Variants in ACACA observed in about 807,000 individuals in gnomAD.
ACACA encodes acetyl-CoA carboxylase alpha, also known as acetyl-CoA carboxylase 1.
Under a neutral mutation model 296.1 loss-of-function variants are expected in ACACA, and 103 were observed. The ratio of observed to expected loss-of-function variants is 0.35; its 90% confidence interval spans 0.30 to 0.41. The LOEUF (loss-of-function observed/expected upper bound fraction) is 0.41, where lower values mean the gene tolerates loss of function less well. ACACA is among the 10% of genes least tolerant of loss of function. The probability of loss-of-function intolerance (pLI) is 1.00; values close to 1 mark genes in which losing one functional copy is unlikely to be tolerated. For missense variants in ACACA, 1,554 were observed against 2,989.7 expected (o/e 0.52, Z 11.20); for synonymous variants, 953 against 1,038.6 (o/e 0.92, Z 1.58).
At chr17:37,354,396 C>T (rs898037444) in intron 1 of ACACA, among the ~76,000 whole-genome samples, 1 of 152,120 alleles carries the variant, frequency 6.6e-6, no homozygotes. Context: ...GACTAGACAG[C>T]CCAATGGTAA....
chr17:37,323,132 A>G (rs1463973256), intron 3 of ACACA, among the ~76,000 whole-genome samples: 1 of 152,270 alleles, frequency 6.6e-6, no homozygotes, highest in Non-Finnish European at 1.5e-5. Context: ...CCACCCCAAG[A>G]TGGTGCCGTG....
intron 1 of ACACA, among the ~76,000 whole-genome samples, chr17:37,350,036 A>C (rs1020857816): frequency 1.3e-5 from 2 of 152,268 alleles, no homozygotes; most frequent in East Asian, 3.9e-4. Context: ...GATGCAATAG[A>C]AGTATACAAC....
rs1193114144 is a variant in ACACA, at chr17:37,128,023, TC to T, written c.5944+1341del. 5.6e-3 allele frequency among the ~76,000 whole-genome samples: 126 copies of T among 22,540 alleles called. 2 individuals are homozygous for T. Among genetic ancestry groups the T allele is most frequent in the East Asian group, 0.011 (12 of 1,092 alleles). 14.8% of individuals were successfully genotyped at this position (22,540 alleles called of 152,430 possible). A position where few individuals can be genotyped will look rare whatever the true frequency, so the allele number is the denominator to read the frequency against. On this transcript the variant is annotated intron_variant, in intron 47 of 55. Coordinates refer to ENST00000616317, the MANE Select transcript of ACACA (RefSeq NM_198834.3). The stretch of plus-strand genomic sequence containing the variant: ...TGGAGGACAAGAGTGAAACTCCATC[TC>T]AAAAAAAAAAAAAAAAAAAAAAAAA...
chr17:37,297,517 A>G (rs1321426809), intron 3 of ACACA, among the ~76,000 whole-genome samples: 1 of 139,634 alleles, frequency 7.2e-6, no homozygotes, highest in East Asian at 2.1e-4. Flanking sequence ...GTGTTTGTGT[A>G]TGTATATGTG....
intron 45 of ACACA, among the ~76,000 whole-genome samples, chr17:37,140,357 T>A: frequency 6.6e-6 from 1 of 152,200 alleles, no homozygotes. Context: ...TAATTTTATA[T>A]ATCACTAATA....
intron 3 of ACACA, among the ~76,000 whole-genome samples, chr17:37,325,586 T>C (rs867655183): frequency 1.6e-5 from 2 of 127,522 alleles, no homozygotes; most frequent in Non-Finnish European, 3.3e-5. Context: ...TTTCTTTTTT[T>C]TTTTTTTTTT....
chr17:37,355,390 T>C (rs1193536753), intron 1 of ACACA, among the ~76,000 whole-genome samples: 4 of 150,358 alleles, frequency 2.7e-5, no homozygotes, highest in African/African-American at 9.8e-5. Flanking sequence ...TCCCCGTCTC[T>C]ACTAAAAATA....
At position 37,390,330 on chromosome 17, in the gene ACACA, A is replaced by ATATATATATATATCTATATC. The variant is rs1386032855; in HGVS notation, c.38+15931_38+15932insGATATAGATATATATATATA. ...TATATATATATATATATATATATAT[A>ATATATATATATATCTATATC]TATAAAAGGCCAGCTGGGCCGGGCA... On this transcript the variant is annotated intron_variant, in intron 1 of 55. Coordinates refer to ENST00000616317, the MANE Select transcript of ACACA (RefSeq NM_198834.3). Among the ~76,000 whole-genome samples, 2 of 41,582 alleles carry ATATATATATATATCTATATC rather than the reference A, an allele frequency of 4.8e-5. 1 individual carries two copies. Among genetic ancestry groups the ATATATATATATATCTATATC allele is most frequent in the African/African-American group, 2.6e-4 (2 of 7,842 alleles). 27.3% of individuals were successfully genotyped at this position (41,582 alleles called of 152,430 possible).
chr17:37,401,893 T>A (rs1449906160), intron 1 of ACACA, among the ~76,000 whole-genome samples: 1 of 152,164 alleles, frequency 6.6e-6, no homozygotes, highest in Non-Finnish European at 1.5e-5. Context: ...CCACAGCAGC[T>A]TAGCAGCTGA....
intron 42 of ACACA, among the ~76,000 whole-genome samples, chr17:37,161,070 A>G (rs1289917016): frequency 6.6e-6 from 1 of 152,230 alleles, no homozygotes; most frequent in African/African-American, 2.4e-5. Flanking sequence ...TGGATATAGC[A>G]ATCACCAAGA....
chr17:37,155,577 T>C (rs1044171706), intron 43 of ACACA, 106 bp downstream of exon 43: 6 of 802,518 alleles, frequency 7.5e-6, no homozygotes, highest in Non-Finnish European at 1.3e-5. Flanking sequence ...GATTATGTCA[T>C]CTTCAATGTT....
chr17:37,117,696 T>C (rs565091832), intron 50 of ACACA, among the ~76,000 whole-genome samples: 5 of 152,252 alleles, frequency 3.3e-5, no homozygotes, highest in South Asian at 2.1e-4. Context: ...ATAGAGCTCA[T>C]TGAAAAAAAG....
chr17:37,126,638 A>C lies in ACACA; in HGVS notation c.5945-844T>G, dbSNP rs2074800210. 3.9e-5 allele frequency among the ~76,000 whole-genome samples: 6 copies of C among 152,212 alleles called. No homozygotes were observed. In the South Asian group the frequency reaches 1.2e-3, roughly 32 times the overall value. On this transcript the variant is annotated intron_variant, in intron 47 of 55. Coordinates refer to ENST00000616317, the MANE Select transcript of ACACA (RefSeq NM_198834.3). Reference sequence around the variant, plus strand: ...TCTTCTAATTTGAACATGGCCCTCCACCCCCTAAAAACCCAAGTCCAAAAC... The same window carrying C: ...TCTTCTAATTTGAACATGGCCCTCCCCCCCCTAAAAACCCAAGTCCAAAAC...
chr17:37,312,184 C>A (rs961863919), intron 3 of ACACA, among the ~76,000 whole-genome samples: 7 of 151,896 alleles, frequency 4.6e-5, no homozygotes, highest in African/African-American at 1.7e-4. Flanking sequence ...AAGAGAGACA[C>A]AGGAAAAGAG....
In ACACA at chr17:37,181,362, G is replaced by C; in HGVS notation, c.4777-6C>G. 1 of 1,610,068 alleles carries C rather than the reference G, an allele frequency of 6.2e-7. No homozygotes were observed. ...CCATATGCCTGAAACATGATCTGCA[G>C]GAAAAAAAAATGGCATGGGGAGTTA... On this transcript the variant is annotated splice_region_variant and splice_polypyrimidine_tract_variant and intron_variant, in intron 39 of 55. Coordinates refer to ENST00000616317, the MANE Select transcript of ACACA (RefSeq NM_198834.3).
intron 11 of ACACA, among the ~76,000 whole-genome samples, chr17:37,260,610 C>A (rs1305583884): frequency 6.6e-6 from 1 of 151,928 alleles, no homozygotes; most frequent in Non-Finnish European, 1.5e-5. Context: ...AGCCCTAAGT[C>A]ATATTTTGAA....
At chr17:37,247,831 T>C (rs923749600) in intron 18 of ACACA, 180 bp downstream of exon 18, 6 of 677,052 alleles carry the variant, frequency 8.9e-6, no homozygotes, top group Non-Finnish European at 1.5e-5. Flanking sequence ...TAGGGAGACA[T>C]GTTTTTAATT....
chr17:37,102,659 G>A (rs750141594), intron 52 of ACACA, among the ~76,000 whole-genome samples: 6 of 152,318 alleles, frequency 3.9e-5, no homozygotes, highest in East Asian at 1.9e-4. Context: ...TTTGTTGTTC[G>A]CAAGGAGTTA....
intron 52 of ACACA, among the ~76,000 whole-genome samples, chr17:37,107,672 T>A (rs938503264): frequency 1.3e-5 from 2 of 152,226 alleles, no homozygotes; most frequent in Admixed American, 6.5e-5. Context: ...GCTGCCCAGC[T>A]GCCTGGGAAC....
Sources: allele counts gnomAD v4.1 joint callset (sites outside exome capture counted in the v4.1 genomes callset), GRCh38; gene constraint gnomAD v4.1.1; transcripts MANE v1.5; gene names NCBI Gene and HGNC (gene_info 2026-07-23, HGNC 2026-07-21).